Variants in KIAA1549L observed in about 807,000 individuals in gnomAD.
KIAA1549L encodes the protein UPF0606 protein KIAA1549L.
In KIAA1549L, 88 loss-of-function variants were observed where a neutral mutation model predicts 160.7. That is an observed-to-expected ratio of 0.55 (90% CI 0.46 to 0.65). KIAA1549L has a LOEUF of 0.65. Among genes scored for constraint, KIAA1549L ranks in the 30% least tolerant of loss-of-function variants. The pLI is 0.00. For missense variants in KIAA1549L, 2,258 were observed against 2,437.5 expected (o/e 0.93, Z 1.55); for synonymous variants, 950 against 976.7 (o/e 0.97, Z 0.51).
chr11:33,553,953 A>C (rs1241779870), intron 6 of KIAA1549L, among the ~76,000 whole-genome samples: 1 of 152,234 alleles, frequency 6.6e-6, no homozygotes, highest in Admixed American at 6.5e-5. Flanking sequence ...CGAAGATTAC[A>C]TCTAAATAGA....
At position 33,673,051 on chromosome 11, in the gene KIAA1549L, G is replaced by T. The variant is rs1284977729; in HGVS notation, c.*4897G>T. On this transcript the variant is annotated 3_prime_UTR_variant, in exon 21 of 21. Transcript: ENST00000658780. ...ATTGAAAGGCCTCTTGATTTCTTAG[G>T]TGAACTGTTACAGAATCCTAGCCTG... 3.3e-5 allele frequency: 5 copies of T among 152,200 alleles called. No homozygotes were observed. Among genetic ancestry groups the T allele is most frequent in the African/African-American group, 1.2e-4 (5 of 41,438 alleles). The allele number at this position is 152,200 out of a possible 1,614,324, so 9.4% of individuals were successfully genotyped here.
chr11:33,495,283 C>T (rs1852788975), intron 1 of KIAA1549L, among the ~76,000 whole-genome samples: 1 of 151,480 alleles, frequency 6.6e-6, no homozygotes, highest in Admixed American at 6.6e-5. Context: ...CCCATCCCCC[C>T]ACCCCACAAC....
At chr11:33,383,756 C>T (rs1030783537) in intron 1 of KIAA1549L, among the ~76,000 whole-genome samples, 1 of 152,136 alleles carries the variant, frequency 6.6e-6, no homozygotes, top group South Asian at 2.1e-4. Flanking sequence ...CAAGTGCCTG[C>T]GTTGCTCAAA....
At position 33,542,753 on chromosome 11, in the gene KIAA1549L, T is replaced by G. The variant is rs1590324732; in HGVS notation, c.1190T>G (p.Val397Gly). 6.2e-7 allele frequency: 1 copy of G among 1,613,718 alleles called. No homozygotes were observed. Among genetic ancestry groups the G allele is most frequent in the Non-Finnish European group, 8.5e-7 (1 of 1,179,822 alleles). The change falls in exon 2 of 21, where the codon GTG (valine) becomes GGG (glycine). Residue 397 changes from valine (V) to glycine (G), a missense_variant. Coordinates refer to ENST00000658780, the MANE Select transcript of KIAA1549L (RefSeq NM_012194.3). ...QQIKAGVPGR[V>G]HNGVSLPTFK... is the part of the protein sequence containing the mutation. ...ATCAAAGCTGGGGTGCCTGGAAGAGTGCACAATGGGGTGTCTTTGCCAACT... is the reference window on the plus strand; with the variant it reads ...ATCAAAGCTGGGGTGCCTGGAAGAGGGCACAATGGGGTGTCTTTGCCAACT...
chr11:33,562,714 C>T (rs909629591), intron 8 of KIAA1549L, among the ~76,000 whole-genome samples: 170 of 141,944 alleles, frequency 1.2e-3, no homozygotes, highest in African/African-American at 4.3e-3. Context: ...GTTTCGTTCT[C>T]GTGGCTCAGG....
chr11:33,623,207 G>A (rs1851006986), intron 16 of KIAA1549L, among the ~76,000 whole-genome samples: 1 of 152,186 alleles, frequency 6.6e-6, no homozygotes, highest in Admixed American at 6.5e-5. Context: ...CCCTGGTGCT[G>A]CGTAATGGAG....
Position 33,561,975 on chromosome 11 carries a change from G to A in KIAA1549L, c.4078+240G>A, listed in dbSNP as rs143066780. ...GCTTTCAAGTCCTCTTTTGTAAAAAGTGACCCTATCAGAAGTTACAATGTT... is the reference window on the plus strand; with the variant it reads ...GCTTTCAAGTCCTCTTTTGTAAAAAATGACCCTATCAGAAGTTACAATGTT... On this transcript the variant is annotated intron_variant, in intron 8 of 20. Transcript: ENST00000658780. Among the ~76,000 whole-genome samples the A allele has an allele frequency of 6.9e-3, 1,049 of 152,274 alleles. 17 individuals are homozygous for A. Among genetic ancestry groups the A allele is most frequent in the African/African-American group, 0.024 (1,007 of 41,548 alleles).
Position 33,542,917 on chromosome 11 carries a change from G to A in KIAA1549L, c.1354G>A (p.Ala452Thr), listed in dbSNP as rs748928409. ...CTCTGCTAACCCGCTGCATTTGTCA[G>A]CAGCTCCAGAGAATTCCAGAGGGCC... ...NDSANPLHLS[A>T]APENSRGPAL... The change falls in exon 2 of 21, where the codon GCA (alanine) becomes ACA (threonine). Residue 452 changes from alanine to threonine, a missense_variant. Transcript: ENST00000658780. 12 of 1,614,042 alleles carry A rather than the reference G, an allele frequency of 7.4e-6. No homozygotes were observed. The highest frequency in any genetic ancestry group is 9.3e-6 in the Non-Finnish European group (11 of 1,179,898).
At chr11:33,483,328 C>A (rs1852452540) in intron 1 of KIAA1549L, among the ~76,000 whole-genome samples, 1 of 152,178 alleles carries the variant, frequency 6.6e-6, no homozygotes, top group Admixed American at 6.5e-5. Context: ...GGGGAGAAAT[C>A]TACGTTCTGG....
At chr11:33,474,770 C>A (rs1016430574) in intron 1 of KIAA1549L, among the ~76,000 whole-genome samples, 2 of 152,204 alleles carry the variant, frequency 1.3e-5, no homozygotes, top group African/African-American at 4.8e-5. Flanking sequence ...CAATAAACAC[C>A]TGCCAAACGA....
At chr11:33,529,759 A>C (rs1160530731) in intron 1 of KIAA1549L, among the ~76,000 whole-genome samples, 2 of 152,216 alleles carry the variant, frequency 1.3e-5, no homozygotes, top group Non-Finnish European at 2.9e-5. Context: ...TTGTGGAATA[A>C]ATAACCAAAT....
At chr11:33,480,550 A>G (rs991791967) in intron 1 of KIAA1549L, among the ~76,000 whole-genome samples, 2 of 152,136 alleles carry the variant, frequency 1.3e-5, no homozygotes, top group African/African-American at 4.8e-5. Context: ...AGTGTAATTC[A>G]TGGGTTATAT....
chr11:33,533,041 T>C (rs1230623838), intron 1 of KIAA1549L, among the ~76,000 whole-genome samples: 1 of 152,220 alleles, frequency 6.6e-6, no homozygotes. Context: ...TAGCAGACTC[T>C]GGGGTCTGTG....
chr11:33,465,428 G>A (rs1852036868), intron 1 of KIAA1549L, among the ~76,000 whole-genome samples: 1 of 152,052 alleles, frequency 6.6e-6, no homozygotes, highest in African/African-American at 2.4e-5. Context: ...CCTTGCTCAG[G>A]GGCTCCACTG....
chr11:33,640,165 A>G lies in KIAA1549L; in HGVS notation c.5410-5521A>G, dbSNP rs967490352. 5.3e-5 allele frequency among the ~76,000 whole-genome samples: 8 copies of G among 152,120 alleles called. 1 individual carries two copies. The highest frequency in any genetic ancestry group is 4.4e-5 in the Non-Finnish European group (3 of 68,028). On this transcript the variant is annotated intron_variant, in intron 16 of 20. Coordinates refer to ENST00000658780, the MANE Select transcript of KIAA1549L (RefSeq NM_012194.3). ...AATATACATATATGCCTACATATAT[A>G]TGTATATGTGTGTATGTATTCTGTT...
At chr11:33,513,694 A>C (rs577273122) in intron 1 of KIAA1549L, among the ~76,000 whole-genome samples, 2 of 152,118 alleles carry the variant, frequency 1.3e-5, no homozygotes, top group Admixed American at 6.5e-5. Flanking sequence ...CCCAGAGACA[A>C]TCTGACGGCT....
chr11:33,614,674 G>A (rs1226156155), intron 15 of KIAA1549L, among the ~76,000 whole-genome samples: 4 of 133,564 alleles, frequency 3.0e-5, no homozygotes, highest in African/African-American at 1.1e-4. Flanking sequence ...GTGCTGTGGC[G>A]CTATCTCGGC....
chr11:33,635,402 A>G (rs893661275), intron 16 of KIAA1549L, among the ~76,000 whole-genome samples: 9 of 152,180 alleles, frequency 5.9e-5, no homozygotes, highest in Non-Finnish European at 1.0e-4. Flanking sequence ...GAAGTTGCAT[A>G]ATTTGTTCAG....
intron 1 of KIAA1549L, among the ~76,000 whole-genome samples, chr11:33,540,571 G>C (rs77749860): frequency 9.8e-5 from 15 of 152,326 alleles, no homozygotes; most frequent in African/African-American, 3.6e-4. Flanking sequence ...AAGTGTCTGA[G>C]GGGGGAATAC....
Sources: gnomAD v4.1 joint callset for allele counts (sites outside exome capture counted in the v4.1 genomes callset) on GRCh38, gnomAD v4.1.1 for gene constraint, MANE v1.5 for transcripts, NCBI Gene and HGNC (gene_info 2026-07-23, HGNC 2026-07-21) for gene names.